The following RPAP2 variants were observed in gnomAD, a reference collection of about 807,000 sequenced individuals.
RPAP2 encodes the protein putative RNA polymerase II subunit B1 CTD phosphatase RPAP2.
Under a neutral mutation model 73.1 loss-of-function variants are expected in RPAP2, and 52 were observed. That is an observed-to-expected ratio of 0.71 (90% CI 0.57 to 0.90). The LOEUF is 0.90. Ranked by LOEUF, RPAP2 falls within the 40% of genes least tolerant of loss-of-function variation. The pLI is 0.00. For synonymous variants in RPAP2, 225 were observed against 242.1 expected (o/e 0.93, Z 0.65); for missense variants, 598 against 701.8 (o/e 0.85, Z 1.67).
At chr1:92,383,084 T>A (rs1026712930) in intron 12 of RPAP2, among the ~76,000 whole-genome samples, 3 of 152,204 alleles carry the variant, frequency 2.0e-5, no homozygotes, top group Admixed American at 6.5e-5. Context: ...GTTGCAGATA[T>A]GCGGCATTAT....
Position 92,304,016 on chromosome 1 carries a change from G to A in RPAP2, c.274G>A (p.Asp92Asn), listed in dbSNP as rs753937033. 38 of 1,613,026 alleles carry A rather than the reference G, an allele frequency of 2.4e-5. No individual in the cohort carries two copies. The South Asian group carries it at 4.0e-4, about 17-fold the overall frequency. Residue 92 changes from aspartate to asparagine, a missense_variant, in exon 4 of 13, where the codon GAT becomes AAT. Asp to Asn is a conservative substitution (Grantham distance 23). This residue lies in a region of RPAP2 where 506 missense variants were observed against 612.8 expected (regional missense o/e 0.83). Transcript: ENST00000610020. ...ACCTGCTCACTACAGTGATGTCGTGGATGAACGTTCTATTGTCAAACTCTG... is the reference window on the plus strand; with the variant it reads ...ACCTGCTCACTACAGTGATGTCGTGAATGAACGTTCTATTGTCAAACTCTG... ...ITPAHYSDVVDERSIVKLCGY... is the reference protein window; with the variant it reads ...ITPAHYSDVVNERSIVKLCGY...
chr1:92,312,810 C>CT (rs975182169), intron 6 of RPAP2, among the ~76,000 whole-genome samples: 171 of 143,456 alleles, frequency 1.2e-3, no homozygotes, highest in African/African-American at 2.0e-3. Flanking sequence ...CCCAAATGTT[C>CT]TTTTTTTTTT....
At position 92,323,934 on chromosome 1, in the gene RPAP2, G is replaced by A. The variant is rs2101181150; in HGVS notation, c.1014G>A (p.Lys338=). The A allele has an allele frequency of 6.2e-7, 1 of 1,614,170 alleles. No individual in the cohort carries two copies. Among genetic ancestry groups the A allele is most frequent in the Non-Finnish European group, 8.5e-7 (1 of 1,180,006 alleles). Residue 338 remains lysine (K), a synonymous_variant, in exon 8 of 13, where the codon AAG becomes AAA. Transcript: ENST00000610020. Reference sequence around the variant, plus strand: ...GTAAGAAAAGTGCAGAGCATTTTAAGAGAAAATTTGCCAAATCAAACCAAG... The same window carrying A: ...GTAAGAAAAGTGCAGAGCATTTTAAAAGAAAATTTGCCAAATCAAACCAAG... The part of the protein sequence containing the change: ...GISKKSAEHF[K]RKFAKSNQVS...
rs1396180054 is a variant in RPAP2, at chr1:92,390,949, AC to A, written c.*3942del. ...CACAATATTAATGGGTGACTTTAAC[AC>A]CCCACTGTCAATATTAGACAGATCA... is the stretch of plus-strand genomic sequence containing the variant. On this transcript the variant is annotated 3_prime_UTR_variant, in exon 13 of 13. Coordinates refer to ENST00000610020, the MANE Select transcript of RPAP2 (RefSeq NM_024813.3). 3 of 152,174 alleles carry A rather than the reference AC, an allele frequency of 2.0e-5. No individual in the cohort carries two copies. Among genetic ancestry groups the A allele is most frequent in the Admixed American group, 2.0e-4 (3 of 15,256 alleles). 9.4% of individuals were successfully genotyped at this position (152,174 alleles called of 1,614,324 possible). A position where few individuals can be genotyped will look rare whatever the true frequency, so the allele number is the denominator to read the frequency against.
rs1407145355 is a variant in RPAP2 at position 92,393,419 on chromosome 1, G to A, written c.*6408G>A. ...GCAATACCATTCAGGACATAGGCAT[G>A]GGCAAAGACTTCATGTCTAAAACAC... On this transcript the variant is annotated 3_prime_UTR_variant, in exon 13 of 13. Coordinates refer to ENST00000610020, the MANE Select transcript of RPAP2 (RefSeq NM_024813.3). 2 of 152,168 alleles carry A rather than the reference G, an allele frequency of 1.3e-5. No homozygotes were observed. The highest frequency in any genetic ancestry group is 4.8e-5 in the African/African-American group (2 of 41,436). 9.4% of individuals were successfully genotyped at this position (152,168 alleles called of 1,614,324 possible). A position where few individuals can be genotyped will look rare whatever the true frequency, so the allele number is the denominator to read the frequency against.
chr1:92,324,938 T>A (rs76922755), intron 8 of RPAP2, among the ~76,000 whole-genome samples: 2,121 of 152,340 alleles, frequency 0.014, 49 homozygotes, highest in African/African-American at 0.047. Context: ...ACTAGCTGTA[T>A]GAAAAATTAG....
chr1:92,347,768 A>C (rs1557616487), intron 11 of RPAP2, among the ~76,000 whole-genome samples: 1 of 152,138 alleles, frequency 6.6e-6, no homozygotes, highest in Non-Finnish European at 1.5e-5. Context: ...GCACTGTTTG[A>C]CTTCTTTAAC....
rs181723563 is a variant in RPAP2, at chr1:92,338,883, C to T, written c.1619+2456C>T. ...CCTCTCAAAGTGCTGGGATTACAGA[C>T]ACAGGCAAGAGCCACAGCTCCTGAC... On this transcript the variant is annotated intron_variant, in intron 10 of 12. Coordinates refer to ENST00000610020, the MANE Select transcript of RPAP2 (RefSeq NM_024813.3). Among the ~76,000 whole-genome samples the T allele has an allele frequency of 2.2e-3, 339 of 152,124 alleles. 1 individual carries two copies. Among genetic ancestry groups the T allele is most frequent in the Admixed American group, 3.0e-3 (46 of 15,262 alleles).
At chr1:92,352,367 T>TA (rs1321962667) in intron 11 of RPAP2, among the ~76,000 whole-genome samples, 3 of 152,194 alleles carry the variant, frequency 2.0e-5, no homozygotes, top group Admixed American at 6.5e-5. Context: ...ATCATACAGA[T>TA]AGATACTCTG....
intron 12 of RPAP2, among the ~76,000 whole-genome samples, chr1:92,382,850 A>G (rs1219627200): frequency 1.3e-5 from 2 of 152,030 alleles, no homozygotes; most frequent in Admixed American, 1.3e-4. Context: ...GCCCATGCCT[A>G]TGTCCTGAAT....
intron 11 of RPAP2, among the ~76,000 whole-genome samples, chr1:92,367,436 G>T (rs915338831): frequency 6.6e-6 from 1 of 152,200 alleles, no homozygotes; most frequent in African/African-American, 2.4e-5. Flanking sequence ...CATAGTGCCT[G>T]TGCATGTACA....
chr1:92,351,200 G>A (rs1471151036), intron 11 of RPAP2, among the ~76,000 whole-genome samples: 2 of 148,234 alleles, frequency 1.3e-5, no homozygotes, highest in Non-Finnish European at 3.0e-5. Flanking sequence ...CTAGCTACTC[G>A]GGAGGCTGAG....
chr1:92,359,900 G>C (rs1285171188), intron 11 of RPAP2, among the ~76,000 whole-genome samples: 1 of 152,150 alleles, frequency 6.6e-6, no homozygotes, highest in African/African-American at 2.4e-5. Flanking sequence ...AGAGAAAGCA[G>C]AAAAGGGGAG....
At chr1:92,320,678 AATAGAAACATTAGG>A (rs781775194) in intron 7 of RPAP2, 44 bp downstream of exon 7, 3 of 1,512,418 alleles carry the variant, frequency 2.0e-6, no homozygotes, top group Non-Finnish European at 2.7e-6. Context: ...TATTTATGTT[AATAGAAACATTAGG>A]AGTGAACCAG....
At chr1:92,317,168 T>C (rs1204645470) in intron 6 of RPAP2, among the ~76,000 whole-genome samples, 1 of 152,144 alleles carries the variant, frequency 6.6e-6, no homozygotes, top group Non-Finnish European at 1.5e-5. Flanking sequence ...TATGTGATCT[T>C]AGGAAGTCAT....
At chr1:92,347,351 A>C (rs1456430435) in intron 11 of RPAP2, among the ~76,000 whole-genome samples, 2 of 152,174 alleles carry the variant, frequency 1.3e-5, no homozygotes, top group Admixed American at 1.3e-4. Context: ...CTGCTCACCC[A>C]CCAGATCATA....
chr1:92,372,446 G>T (rs1474021540), intron 11 of RPAP2, among the ~76,000 whole-genome samples: 1 of 152,206 alleles, frequency 6.6e-6, no homozygotes, highest in Non-Finnish European at 1.5e-5. Flanking sequence ...ACAAATGGAA[G>T]TGAGGAAGAG....
At chr1:92,367,529 G>A (rs968500286) in intron 11 of RPAP2, among the ~76,000 whole-genome samples, 3 of 152,198 alleles carry the variant, frequency 2.0e-5, no homozygotes, top group Non-Finnish European at 4.4e-5. Context: ...GAGAGAATGA[G>A]TGTTTAAAAA....
rs1557637778 is a variant in RPAP2, at chr1:92,387,788, A to T, written c.*777A>T. On this transcript the variant is annotated 3_prime_UTR_variant, in exon 13 of 13. Coordinates refer to ENST00000610020, the MANE Select transcript of RPAP2 (RefSeq NM_024813.3). ...GAGCTTAGTGGGCAAGGAGGTAGGG[A>T]TATAATTTCTCTTCTTGGCTCCACC... The T allele has an allele frequency of 2.0e-5, 3 of 152,170 alleles. No homozygotes were observed. Among genetic ancestry groups the T allele is most frequent in the Non-Finnish European group, 4.4e-5 (3 of 68,034 alleles). 9.4% of individuals were successfully genotyped at this position (152,170 alleles called of 1,614,324 possible).
Sources: gnomAD v4.1 joint callset for allele counts (sites outside exome capture counted in the v4.1 genomes callset) on GRCh38, gnomAD v4.1.1 for gene constraint, gnomAD v4.1.1 regional missense constraint, MANE v1.5 for transcripts, NCBI Gene and HGNC (gene_info 2026-07-23, HGNC 2026-07-21) for gene names.